Variants in STOX2 observed in about 807,000 individuals in gnomAD.
STOX2 encodes the protein storkhead box 2, also known as storkhead-box protein 2.
STOX2 carries 28 observed loss-of-function variants against 60.9 expected under a neutral mutation model. The observed-to-expected ratio is 0.46, with a 90% CI of 0.34 to 0.63. The LOEUF is 0.63. Ranked by LOEUF, STOX2 falls within the 30% of genes least tolerant of loss-of-function variation. The pLI, the probability that STOX2 is intolerant of heterozygous loss-of-function variation, is 0.01. For synonymous variants in STOX2, 472 were observed against 463.9 expected, an observed-to-expected ratio of 1.02 and a Z score of -0.22; for missense variants, 1,024 against 1,187.7, an observed-to-expected ratio of 0.86 and a Z score of 2.03.
chr4:183,831,018 G>A (rs539950626), intron 1 of STOX2, among the ~76,000 whole-genome samples: 196 of 151,984 alleles, frequency 1.3e-3, no homozygotes, highest in African/African-American at 4.1e-3. Context: ...TGGGATTCTG[G>A]GTTAGTCCTC....
At chr4:183,799,302 T>G (rs1738706847) in intron 1 of STOX2, among the ~76,000 whole-genome samples, 1 of 152,226 alleles carries the variant, frequency 6.6e-6, no homozygotes, top group African/African-American at 2.4e-5. Flanking sequence ...TTCTCAATTC[T>G]TTTGACTTTA....
rs1743546748 is a variant in STOX2, at chr4:183,965,731, G to A, written c.167-35594G>A. Among the ~76,000 whole-genome samples the A allele has an allele frequency of 2.0e-5, 3 of 152,228 alleles. No homozygotes were observed. The South Asian group carries it at 6.2e-4, about 32-fold the overall frequency. ...AGGGTGACAGAGGAAACCAGTGGCG[G>A]GGGTTGTGGGGGGCGGTTTCCAGTA... On this transcript the variant is annotated intron_variant, in intron 1 of 3. Transcript: ENST00000308497.
intron 1 of STOX2, chr4:183,798,760 C>T: frequency 2.0e-6 from 2 of 985,390 alleles, no homozygotes; most frequent in African/African-American, 1.7e-5. Flanking sequence ...CAGAGTCGCC[C>T]AGAGGTGAAG....
intron 1 of STOX2, among the ~76,000 whole-genome samples, chr4:183,969,807 A>C (rs1743685698): frequency 6.6e-6 from 1 of 152,164 alleles, no homozygotes; most frequent in Non-Finnish European, 1.5e-5. Flanking sequence ...TTTTCTGTAG[A>C]GATGGGATCT....
chr4:184,015,020 A>G (rs1163259472), intron 3 of STOX2: 3 of 152,318 alleles, frequency 2.0e-5, no homozygotes, highest in Middle Eastern at 3.4e-3. Flanking sequence ...CACAGTCACT[A>G]TTTATTTCAT....
At chr4:184,008,238 G>C (rs959195807) in intron 2 of STOX2, among the ~76,000 whole-genome samples, 1 of 152,208 alleles carries the variant, frequency 6.6e-6, no homozygotes, top group African/African-American at 2.4e-5. Flanking sequence ...TGAAGTAAAT[G>C]GGCTGGAGCC....
In STOX2 at chr4:184,018,979, CAT is replaced by C. The variant is rs1407066147; in HGVS notation, c.*1698_*1699del. On this transcript the variant is annotated 3_prime_UTR_variant, in exon 4 of 4. Coordinates refer to ENST00000308497, the MANE Select transcript of STOX2 (RefSeq NM_020225.3). ...TTTCACCTCCAATTTCAGTAATTGGCATATGATTTGTGAGACGCATCTGTTTT... is the reference window on the plus strand; with the variant it reads ...TTTCACCTCCAATTTCAGTAATTGGCATGATTTGTGAGACGCATCTGTTTT... The C allele has an allele frequency of 2.6e-5, 4 of 152,136 alleles. No individual in the cohort carries two copies. The highest frequency in any genetic ancestry group is 9.7e-5 in the African/African-American group (4 of 41,418). The allele number at this position is 152,136 out of a possible 1,614,324, so 9.4% of individuals were successfully genotyped here. A position where few individuals can be genotyped will look rare whatever the true frequency, so the allele number is the denominator to read the frequency against.
upstream of STOX2, among the ~76,000 whole-genome samples, chr4:183,904,282 C>T (rs1265102236): frequency 6.6e-6 from 1 of 152,228 alleles, no homozygotes; most frequent in Non-Finnish European, 1.5e-5. Context: ...CTAGAAGCTG[C>T]ACGGGGTCCG....
intron 1 of STOX2, among the ~76,000 whole-genome samples, chr4:183,970,181 T>TGTGG (rs779582388): frequency 7.8e-4 from 107 of 136,474 alleles, no homozygotes; most frequent in Middle Eastern, 3.6e-3. Flanking sequence ...TGTGTGTGTG[T>TGTGG]GGGGTTCCAG....
At position 184,011,537 on chromosome 4, in the gene STOX2, G is replaced by C. The variant is rs764972362; in HGVS notation, c.2585+114G>C. 1.3e-6 allele frequency: 2 copies of C among 1,555,566 alleles called. No homozygotes were observed. The highest frequency in any genetic ancestry group is 2.3e-5 in the East Asian group (1 of 42,630). The stretch of plus-strand genomic sequence containing the variant: ...TCTCAGTTCTATGGATGAGGGTTAA[G>C]AGTTGTATGAGTTGTATTGTTAACA... On this transcript the variant is annotated intron_variant, in intron 3 of 3. Coordinates refer to ENST00000308497, the MANE Select transcript of STOX2 (RefSeq NM_020225.3). The surrounding 1 kb of genome is among the most constrained non-coding windows in gnomAD (Gnocchi z 4.4).
In STOX2 at chr4:184,018,054, G is replaced by A. The variant is rs1734450495; in HGVS notation, c.*770G>A. ...GCCTTTGAATCTGAAGTGGACAAAG[G>A]AAAGCAATTTCCAGTCTGGCTGGGG... On this transcript the variant is annotated 3_prime_UTR_variant, in exon 4 of 4. Transcript: ENST00000308497. The A allele has an allele frequency of 6.6e-6, 1 of 152,192 alleles. No individual in the cohort carries two copies. Among genetic ancestry groups the A allele is most frequent in the African/African-American group, 2.4e-5 (1 of 41,450 alleles). 9.4% of individuals were successfully genotyped at this position (152,192 alleles called of 1,614,324 possible).
intron 1 of STOX2, among the ~76,000 whole-genome samples, chr4:183,983,076 C>T (rs981271469): frequency 3.3e-5 from 5 of 152,178 alleles, no homozygotes; most frequent in African/African-American, 1.2e-4. Context: ...GCTGAATCTA[C>T]CACCAGCCAT....
chr4:183,921,975 GA>G (rs747643507), intron 1 of STOX2, among the ~76,000 whole-genome samples: 2 of 152,098 alleles, frequency 1.3e-5, no homozygotes, highest in Non-Finnish European at 2.9e-5. Context: ...CTCGTAAAAT[GA>G]AAAAGGTCAA....
intron 1 of STOX2, among the ~76,000 whole-genome samples, chr4:183,824,249 AT>A (rs200012655): frequency 6.6e-6 from 1 of 151,778 alleles, no homozygotes; most frequent in African/African-American, 2.4e-5. Flanking sequence ...CCTCATAGCA[AT>A]TTTTTTTTCT....
chr4:183,815,053 G>C (rs970790858), intron 1 of STOX2, among the ~76,000 whole-genome samples: 1 of 151,934 alleles, frequency 6.6e-6, no homozygotes, highest in Non-Finnish European at 1.5e-5. Context: ...ACGCTGGAGT[G>C]CAGCAGTGTG....
At chr4:183,896,215 T>TG (rs1240954077) in intron 1 of STOX2, among the ~76,000 whole-genome samples, 2 of 152,200 alleles carry the variant, frequency 1.3e-5, no homozygotes, top group Non-Finnish European at 2.9e-5. Context: ...ACCAAATAAA[T>TG]GAAGTCTTAA....
chr4:183,997,117 A>G (rs540852733), intron 1 of STOX2, among the ~76,000 whole-genome samples: 3 of 152,234 alleles, frequency 2.0e-5, no homozygotes, highest in Non-Finnish European at 4.4e-5. Context: ...CCAGTGAACC[A>G]AACGCACATG....
chr4:184,008,138 A>G (rs1051963816), intron 2 of STOX2, among the ~76,000 whole-genome samples: 3 of 152,194 alleles, frequency 2.0e-5, no homozygotes, highest in Non-Finnish European at 2.9e-5. Flanking sequence ...GCAGTTTCAC[A>G]TGACTCAAGC....
intron 1 of STOX2, among the ~76,000 whole-genome samples, chr4:183,997,440 A>G (rs1440902381): frequency 6.6e-6 from 1 of 152,230 alleles, no homozygotes; most frequent in Non-Finnish European, 1.5e-5. Flanking sequence ...AGGCCTACCA[A>G]GGAGTTCAGC....
Sources: allele counts gnomAD v4.1 joint callset (sites outside exome capture counted in the v4.1 genomes callset), GRCh38; gene constraint gnomAD v4.1.1; non-coding constraint Gnocchi (gnomAD v3.1); transcripts MANE v1.5; gene names NCBI Gene and HGNC (gene_info 2026-07-23, HGNC 2026-07-21).